RANBP10: variants seen among roughly 807,000 people sequenced by gnomAD.
RANBP10 encodes RAN binding protein 10.
Under a neutral mutation model 72.8 loss-of-function variants are expected in RANBP10, and 24 were observed. That is an observed-to-expected ratio of 0.33 (90% confidence interval 0.24 to 0.46). The LOEUF (loss-of-function observed/expected upper bound fraction) is 0.46, where lower values mean the gene tolerates loss of function less well. Among genes scored for constraint, RANBP10 ranks in the 20% least tolerant of loss-of-function variants. The pLI is 1.00. For missense variants in RANBP10, 679 were observed against 817.5 expected, an observed-to-expected ratio of 0.83 and a Z score of 2.07; for synonymous variants, 310 against 322.3, an observed-to-expected ratio of 0.96 and a Z score of 0.41.
At chr16:67,800,356 AC>A (rs1478137044) in intron 2 of RANBP10, among the ~76,000 whole-genome samples, 17 of 151,596 alleles carry the variant, frequency 1.1e-4, no homozygotes, top group Non-Finnish European at 1.9e-4. Context: ...CAGGCCTACT[AC>A]TCTTGGGTAA....
intron 13 of RANBP10, among the ~76,000 whole-genome samples, chr16:67,726,915 A>G (rs2053613000): frequency 6.6e-6 from 1 of 152,200 alleles, no homozygotes; most frequent in South Asian, 2.1e-4. Context: ...CCCAGTGTGG[A>G]TAAACATCAG....
At chr16:67,756,604 G>A (rs1171011437) in intron 3 of RANBP10, among the ~76,000 whole-genome samples, 1 of 152,214 alleles carries the variant, frequency 6.6e-6, no homozygotes, top group Non-Finnish European at 1.5e-5. Context: ...TTGGGAGGCT[G>A]AGTCAGGAGA....
intron 2 of RANBP10, among the ~76,000 whole-genome samples, chr16:67,784,513 G>T (rs77256155): frequency 6.6e-6 from 1 of 152,170 alleles, no homozygotes; most frequent in East Asian, 1.9e-4. Context: ...AAAATTAGCC[G>T]GGCGTGGTGG....
At chr16:67,773,328 G>A (rs1359678594) in intron 2 of RANBP10, among the ~76,000 whole-genome samples, 1 of 152,186 alleles carries the variant, frequency 6.6e-6, no homozygotes, top group African/African-American at 2.4e-5. Context: ...AGCTTCTCCA[G>A]GCCTTTGCCG....
At chr16:67,767,442 G>A (rs1157180666) in intron 3 of RANBP10, among the ~76,000 whole-genome samples, 2 of 128,936 alleles carry the variant, frequency 1.6e-5, no homozygotes, top group African/African-American at 3.1e-5. Context: ...GGGCAACAGC[G>A]AGACCCTGTT....
chr16:67,737,926 C>T, intron 5 of RANBP10, 87 bp downstream of exon 5: 1 of 1,482,016 alleles, frequency 6.7e-7, no homozygotes, highest in Non-Finnish European at 9.2e-7. Context: ...AACCAGACTC[C>T]ACACCCTGCA....
chr16:67,744,245 T>C, intron 4 of RANBP10, 43 bp downstream of exon 4: 1 of 1,585,650 alleles, frequency 6.3e-7, no homozygotes, highest in Non-Finnish European at 8.6e-7. Flanking sequence ...CCAACCAAAG[T>C]GGCTCCACAG....
intron 2 of RANBP10, among the ~76,000 whole-genome samples, chr16:67,780,607 C>T (rs543923719): frequency 6.6e-6 from 1 of 152,258 alleles, no homozygotes; most frequent in East Asian, 1.9e-4. Flanking sequence ...AAGGGTACAG[C>T]TGATCAAACA....
In RANBP10 at chr16:67,727,219, G is replaced by A. The variant is rs2053618997; in HGVS notation, c.1732+108C>T. The A allele has an allele frequency of 1.4e-5, 15 of 1,107,048 alleles. No individual in the cohort carries two copies. The East Asian group carries it at 4.0e-4, about 29-fold the overall frequency. 68.6% of individuals were successfully genotyped at this position (1,107,048 alleles called of 1,614,324 possible). On this transcript the variant is annotated intron_variant, in intron 13 of 13. Transcript: ENST00000317506. ...GAGGCACGAAAATTGCTTAAACCCA[G>A]GAGGCAGAGGTGGAGATTGCTGTGA...
At chr16:67,760,391 T>A (rs1350991336) in intron 3 of RANBP10, among the ~76,000 whole-genome samples, 3 of 152,200 alleles carry the variant, frequency 2.0e-5, no homozygotes, top group Admixed American at 2.0e-4. Context: ...CACACGCAGA[T>A]GTGAAATATC....
Position 67,738,129 on chromosome 16 carries a change from G to GT in RANBP10, c.569-95dup, listed in dbSNP as rs998784998. ...GAGCCAGTGCTAGGGCCGGGTAGTT[G>GT]TTTTTTTTGGTTTGTTGTTGTTGTT... On this transcript the variant is annotated intron_variant, in intron 4 of 13. Coordinates refer to ENST00000317506, the MANE Select transcript of RANBP10 (RefSeq NM_020850.3). The GT allele has an allele frequency of 2.6e-4, 350 of 1,339,366 alleles. 2 individuals carry two copies. Among genetic ancestry groups the GT allele is most frequent in the South Asian group, 1.1e-3 (73 of 66,246 alleles). 83.0% of individuals were successfully genotyped at this position (1,339,366 alleles called of 1,614,324 possible).
intron 3 of RANBP10, among the ~76,000 whole-genome samples, chr16:67,751,580 G>A (rs2054197293): frequency 6.6e-6 from 1 of 152,098 alleles, no homozygotes; most frequent in African/African-American, 2.4e-5. Flanking sequence ...ACCTGAGATT[G>A]TGCCAATGCA....
At chr16:67,747,883 T>A (rs971731750) in intron 3 of RANBP10, among the ~76,000 whole-genome samples, 3 of 149,572 alleles carry the variant, frequency 2.0e-5, no homozygotes, top group African/African-American at 7.4e-5. Context: ...TGCAGTTGCA[T>A]GATCTCGGCT....
intron 3 of RANBP10, among the ~76,000 whole-genome samples, chr16:67,748,643 A>G (rs1017831902): frequency 1.8e-4 from 27 of 152,114 alleles, no homozygotes; most frequent in African/African-American, 5.6e-4. Flanking sequence ...GCCTCAAGCA[A>G]TTCTCCCACC....
At chr16:67,746,444 G>T (rs1271029042) in intron 3 of RANBP10, among the ~76,000 whole-genome samples, 1 of 152,148 alleles carries the variant, frequency 6.6e-6, no homozygotes, top group Non-Finnish European at 1.5e-5. Context: ...TCGCGCCACT[G>T]AACTCCAGCC....
intron 2 of RANBP10, among the ~76,000 whole-genome samples, chr16:67,787,818 T>G (rs1433525376): frequency 6.6e-6 from 1 of 151,964 alleles, no homozygotes; most frequent in Non-Finnish European, 1.5e-5. Flanking sequence ...CTGGGTAACA[T>G]AGCGAGATTC....
chr16:67,771,472 A>G (rs2054606644), intron 3 of RANBP10, among the ~76,000 whole-genome samples: 1 of 151,960 alleles, frequency 6.6e-6, no homozygotes, highest in Non-Finnish European at 1.5e-5. Flanking sequence ...CTGCCTCCCA[A>G]GTAGCTGAGA....
chr16:67,786,839 A>G (rs747550718), intron 2 of RANBP10, among the ~76,000 whole-genome samples: 5 of 152,026 alleles, frequency 3.3e-5, no homozygotes, highest in Admixed American at 6.6e-5. Flanking sequence ...AGACATGAGA[A>G]TCACTTGAAC....
chr16:67,787,615 G>A (rs2054939517), intron 2 of RANBP10, among the ~76,000 whole-genome samples: 1 of 152,140 alleles, frequency 6.6e-6, no homozygotes, highest in South Asian at 2.1e-4. Flanking sequence ...ACCAAAAGGT[G>A]AAAGCAACCT....
Sources: allele counts gnomAD v4.1 joint callset (sites outside exome capture counted in the v4.1 genomes callset), GRCh38; gene constraint gnomAD v4.1.1; transcripts MANE v1.5; gene names NCBI Gene and HGNC (gene_info 2026-07-23, HGNC 2026-07-21).